The following ANKS1B variants were observed in gnomAD, a reference collection of about 807,000 sequenced individuals.
ANKS1B encodes ankyrin repeat and sterile alpha motif domain-containing protein 1B.
Under a neutral mutation model 148.3 loss-of-function variants are expected in ANKS1B, and 36 were observed. That is an observed-to-expected ratio of 0.24 (90% CI 0.19 to 0.32). ANKS1B has a LOEUF of 0.32. ANKS1B is among the 10% of genes least tolerant of loss of function. The pLI, the probability that ANKS1B is intolerant of heterozygous loss-of-function variation, is 1.00. For missense variants in ANKS1B, 1,157 were observed against 1,542.6 expected, an observed-to-expected ratio of 0.75 and a Z score of 4.19; for synonymous variants, 542 against 560.8, an observed-to-expected ratio of 0.97 and a Z score of 0.47.
At chr12:99,255,419 A>G (rs1472400068) in intron 12 of ANKS1B, among the ~76,000 whole-genome samples, 1 of 152,046 alleles carries the variant, frequency 6.6e-6, no homozygotes, top group Non-Finnish European at 1.5e-5. Flanking sequence ...TAGTGTCACC[A>G]ATGATTCCAT....
intron 12 of ANKS1B, chr12:99,386,440 C>T (rs886693059): frequency 9.9e-5 from 15 of 152,014 alleles, no homozygotes; most frequent in African/African-American, 3.6e-4. Flanking sequence ...TAAATGGCTC[C>T]TGTAGAAAGT....
chr12:99,413,770 C>G lies in ANKS1B; in HGVS notation c.1576-13959G>C, dbSNP rs77502665. ...AATTATAAAACAGACTGTAGGGACT[C>G]TGTACTGCTTCTCAGACACTGCAAT... On this transcript the variant is annotated intron_variant, in intron 11 of 26. Coordinates refer to ENST00000683438, the MANE Select transcript of ANKS1B (RefSeq NM_001352186.2). 7.8e-3 allele frequency among the ~76,000 whole-genome samples: 1,185 copies of G among 152,268 alleles called. 7 individuals are homozygous for G. The highest frequency in any genetic ancestry group is 0.027 in the African/African-American group (1,132 of 41,526).
rs919719038 is a variant in ANKS1B at position 99,437,453 on chromosome 12, T to C, written c.1575+6220A>G. On this transcript the variant is annotated intron_variant, in intron 11 of 26. Coordinates refer to ENST00000683438, the MANE Select transcript of ANKS1B (RefSeq NM_001352186.2). ...TGCTCATTATGCTAAAAATCTCTGT[T>C]CAATATTGAGCCCATTTAGATGACT... is the stretch of plus-strand genomic sequence containing the variant. Among the ~76,000 whole-genome samples, 7 of 151,972 alleles carry C rather than the reference T, an allele frequency of 4.6e-5. No individual in the cohort carries two copies. The East Asian group carries it at 1.2e-3, about 25-fold the overall frequency.
At chr12:99,218,379 A>G (rs1457107027) in intron 14 of ANKS1B, among the ~76,000 whole-genome samples, 1 of 152,158 alleles carries the variant, frequency 6.6e-6, no homozygotes, top group Non-Finnish European at 1.5e-5. Context: ...ACGAATTCAT[A>G]GAACAGAACA....
rs55772497 is a variant in ANKS1B at position 99,055,724 on chromosome 12, G to T, written c.2626-2415C>A. ...TCCCTTAGGGGAAGTCTAAACTTGG[G>T]GGGGGGGGAGGTGGTGAGGAAAATA... is the stretch of plus-strand genomic sequence containing the variant. On this transcript the variant is annotated intron_variant, in intron 16 of 26. Transcript: ENST00000683438. Among the ~76,000 whole-genome samples, 22 of 84,726 alleles carry T rather than the reference G, an allele frequency of 2.6e-4. 1 individual carries two copies. The highest frequency in any genetic ancestry group is 7.1e-4 in the South Asian group (2 of 2,802). The allele number at this position is 84,726 out of a possible 152,430, so 55.6% of individuals were successfully genotyped here.
At chr12:98,819,831 A>C (rs1342745203) in intron 19 of ANKS1B, among the ~76,000 whole-genome samples, 1 of 152,224 alleles carries the variant, frequency 6.6e-6, no homozygotes. Context: ...ATACAGACAA[A>C]AGCAAGTTAT....
chr12:99,504,783 T>C (rs1450426740), intron 9 of ANKS1B, 142 bp from the exon 10 acceptor site: 14 of 627,854 alleles, frequency 2.2e-5, no homozygotes, highest in Non-Finnish European at 3.4e-5. Context: ...GAATAAATTA[T>C]AGAATCATGT....
At chr12:98,888,177 A>AT (rs1596309584) in intron 17 of ANKS1B, among the ~76,000 whole-genome samples, 1 of 152,282 alleles carries the variant, frequency 6.6e-6, no homozygotes, top group Non-Finnish European at 1.5e-5. Flanking sequence ...TAATACAATG[A>AT]CTTTTTTCCT....
At chr12:99,797,637 C>T (rs1052902933) in intron 4 of ANKS1B, among the ~76,000 whole-genome samples, 1 of 151,640 alleles carries the variant, frequency 6.6e-6, no homozygotes, top group Admixed American at 6.6e-5. Context: ...ACATAAAGCA[C>T]TCATAACATC....
intron 1 of ANKS1B, among the ~76,000 whole-genome samples, chr12:99,922,566 G>T (rs567509479): frequency 6.6e-6 from 1 of 152,246 alleles, no homozygotes; most frequent in East Asian, 1.9e-4. Flanking sequence ...TGTGTGACTG[G>T]TGTTTCCAAG....
chr12:98,851,894 C>T (rs570393707), intron 17 of ANKS1B, among the ~76,000 whole-genome samples: 307 of 151,870 alleles, frequency 2.0e-3, no homozygotes, highest in African/African-American at 6.8e-3. Context: ...CATGGTGGTG[C>T]ACGCCTGTAG....
intron 2 of ANKS1B, among the ~76,000 whole-genome samples, chr12:99,816,794 A>G (rs1329735828): frequency 2.0e-5 from 3 of 151,696 alleles, no homozygotes; most frequent in Non-Finnish European, 4.4e-5. Flanking sequence ...TATGAACTAA[A>G]TAGGCCATTT....
At chr12:99,341,071 G>A (rs979559868) in intron 12 of ANKS1B, 1 of 152,072 alleles carries the variant, frequency 6.6e-6, no homozygotes, top group African/African-American at 2.4e-5. Flanking sequence ...CACAAAATCA[G>A]GTAAAGTAAC....
At chr12:98,978,639 TG>T (rs1280575118) in intron 17 of ANKS1B, among the ~76,000 whole-genome samples, 4 of 152,170 alleles carry the variant, frequency 2.6e-5, no homozygotes, top group Non-Finnish European at 4.4e-5. Flanking sequence ...CATGTTTTTA[TG>T]TCAGATATTC....
chr12:98,936,910 T>C (rs2099819277), intron 17 of ANKS1B, among the ~76,000 whole-genome samples: 1 of 152,194 alleles, frequency 6.6e-6, no homozygotes. Flanking sequence ...TGATGTGGGA[T>C]GGTAGGTGGA....
intron 22 of ANKS1B, among the ~76,000 whole-genome samples, chr12:98,791,600 G>A (rs10860370): frequency 0.3 from 45,041 of 151,960 alleles, 8,702 homozygotes; most frequent in East Asian, 0.73. Flanking sequence ...CGGCTAGAAT[G>A]CAGTGGCTGT....
In ANKS1B at chr12:98,794,931, G is replaced by A. The variant is rs866107187; in HGVS notation, c.3342+4003C>T. 3.4e-5 allele frequency: 45 copies of A among 1,326,238 alleles called. 1 individual carries two copies. The Middle Eastern group carries it at 9.0e-4, about 26-fold the overall frequency. The allele number at this position is 1,326,238 out of a possible 1,614,324, so 82.2% of individuals were successfully genotyped here. A position where few individuals can be genotyped will look rare whatever the true frequency, so the allele number is the denominator to read the frequency against. ...AGCAGTTGGAAGAGAAAATGGCACA[G>A]CAGCTACAAGAGGATGTGGACATGG... On this transcript the variant is annotated intron_variant, in intron 22 of 26. Transcript: ENST00000683438.
At chr12:98,871,837 G>T (rs1394557699) in intron 17 of ANKS1B, among the ~76,000 whole-genome samples, 1 of 152,062 alleles carries the variant, frequency 6.6e-6, no homozygotes, top group Non-Finnish European at 1.5e-5. Flanking sequence ...CTTTAGCAAT[G>T]ACAATGAATG....
chr12:99,033,574 G>C (rs2099953638), intron 17 of ANKS1B, among the ~76,000 whole-genome samples: 1 of 151,908 alleles, frequency 6.6e-6, no homozygotes. Flanking sequence ...TGAGGCAGGA[G>C]AATCACTTGA....
Sources: gnomAD v4.1 joint callset for allele counts (sites outside exome capture counted in the v4.1 genomes callset) on GRCh38, gnomAD v4.1.1 for gene constraint, MANE v1.5 for transcripts, NCBI Gene and HGNC (gene_info 2026-07-23, HGNC 2026-07-21) for gene names.